The following NFYB variants were observed in gnomAD, a reference collection of about 807,000 sequenced individuals.
NFYB encodes the protein CAAT box DNA-binding protein subunit B.
Under a neutral mutation model 28.0 loss-of-function variants are expected in NFYB, and 13 were observed. The ratio of observed to expected loss-of-function variants is 0.46; its 90% CI spans 0.30 to 0.74. The LOEUF (loss-of-function observed/expected upper bound fraction) is 0.74, where lower values mean the gene tolerates loss of function less well. Ranked by LOEUF, NFYB falls within the 30% of genes least tolerant of loss-of-function variation. NFYB has a pLI of 0.07. For synonymous variants in NFYB, 74 were observed against 75.0 expected (o/e 0.99, Z 0.07); for missense variants, 142 against 247.6 (o/e 0.57, Z 2.86).
intron 2 of NFYB, among the ~76,000 whole-genome samples, chr12:104,130,287 G>A (rs1479562687): frequency 6.6e-6 from 1 of 152,146 alleles, no homozygotes; most frequent in East Asian, 1.9e-4. Context: ...CAAAATTTTA[G>A]TCCTTGTATA....
chr12:104,126,490 C>T lies in NFYB; in HGVS notation c.101-246G>A, dbSNP rs374976435. 6.6e-5 allele frequency among the ~76,000 whole-genome samples: 10 copies of T among 152,086 alleles called. No homozygotes were observed. The East Asian group carries it at 1.2e-3, about 18-fold the overall frequency. The stretch of plus-strand genomic sequence containing the variant: ...ATATACCTGCTAAAATCCTACTTGC[C>T]CATTCTCCAAAAATCTCAAATAACA... On this transcript the variant is annotated intron_variant, in intron 3 of 7. Coordinates refer to ENST00000240055, the MANE Select transcript of NFYB (RefSeq NM_006166.4).
chr12:104,123,985 TA>T lies in NFYB; in HGVS notation c.232-563del, dbSNP rs1363214254. 2.0e-5 allele frequency among the ~76,000 whole-genome samples: 3 copies of T among 152,180 alleles called. No individual in the cohort carries two copies. The East Asian group carries it at 5.8e-4, about 29-fold the overall frequency. Reference sequence around the variant, plus strand: ...CTCAAAAAAAAAATTAAAAAAATTTTAAAAAGATATAAAACAGCAATCACTG... The same window carrying T: ...CTCAAAAAAAAAATTAAAAAAATTTTAAAAGATATAAAACAGCAATCACTG... On this transcript the variant is annotated intron_variant, in intron 4 of 7. Coordinates refer to ENST00000240055, the MANE Select transcript of NFYB (RefSeq NM_006166.4).
At chr12:104,122,226 G>C (rs1488929913) in intron 5 of NFYB, among the ~76,000 whole-genome samples, 1 of 152,062 alleles carries the variant, frequency 6.6e-6, no homozygotes, top group Non-Finnish European at 1.5e-5. Context: ...GGAAACCAAG[G>C]CCTAAAGTAA....
chr12:104,126,185 C>T lies in NFYB; in HGVS notation c.160G>A (p.Glu54Lys), dbSNP rs1479744709. ...DTNGSKESFR[E>K]QDIYLPIANV... ...GCTATTGGAAGATATATATCTTGTT[C>T]TCTGAAACTTTCTTTTGAACCATTT... is the stretch of plus-strand genomic sequence containing the variant. The change falls in exon 4 of 8, where the codon GAA (glutamate) becomes AAA (lysine). Residue 54 changes from glutamate to lysine, a missense_variant. Glu to Lys is a moderately conservative substitution (Grantham distance 56). Transcript: ENST00000240055. The T allele has an allele frequency of 6.2e-7, 1 of 1,605,044 alleles. No homozygotes were observed. The highest frequency in any genetic ancestry group is 8.5e-7 in the Non-Finnish European group (1 of 1,176,250).
In NFYB at chr12:104,118,415, T is replaced by C. The variant is rs1417471922; in HGVS notation, c.*1322A>G. 1.3e-5 allele frequency: 2 copies of C among 152,772 alleles called. No individual in the cohort carries two copies. Among genetic ancestry groups the C allele is most frequent in the Middle Eastern group, 3.4e-3 (1 of 294 alleles). 9.5% of individuals were successfully genotyped at this position (152,772 alleles called of 1,614,324 possible). ...CTCCTTCTGGCAAAGTAAATGTTTC[T>C]GTTCAGCCTATATCTGGGAAATTGC... On this transcript the variant is annotated 3_prime_UTR_variant, in exon 8 of 8. Transcript: ENST00000240055.
chr12:104,128,608 T>A (rs890958620), intron 2 of NFYB, 91 bp from the exon 3 acceptor site: 2 of 742,146 alleles, frequency 2.7e-6, no homozygotes, highest in African/African-American at 3.5e-5. Context: ...GGATGATGCA[T>A]CAATTATACT....
Position 104,121,306 on chromosome 12 carries a change from T to C in NFYB, c.445A>G (p.Lys149Glu). 6.2e-7 allele frequency: 1 copy of C among 1,612,444 alleles called. No homozygotes were observed. The highest frequency in any genetic ancestry group is 8.5e-7 in the Non-Finnish European group (1 of 1,179,586). ...QKFREAMKGE[K>E]GIGGAVTATD... ...GCTGTGACTGCTCCACCAATTCCCT[T>C]TTCTCCTTTCATAGCCTGAGGAAGG... is the stretch of plus-strand genomic sequence containing the variant. The change falls in exon 6 of 8, where the codon AAG (lysine) becomes GAG (glutamate). Residue 149 changes from lysine (K) to glutamate (E), a missense_variant. Lys to Glu is a moderately conservative substitution (Grantham distance 56). Around this residue, in one of 2 missense-constraint regions of NFYB, gnomAD observed 88 missense variants for 189.5 expected, o/e 0.46. Transcript: ENST00000240055.
At chr12:104,125,487 C>CAA (rs759904666) in intron 4 of NFYB, 7 of 104,274 alleles carry the variant, frequency 6.7e-5, no homozygotes, top group Admixed American at 1.0e-4. Flanking sequence ...AACTCCGTCT[C>CAA]AAAAAAAAAA....
chr12:104,118,700 G>A lies in NFYB; in HGVS notation c.*1037C>T, dbSNP rs2030353851. ...CAGAGATGAAGACAGCATACTAGAA[G>A]TTGGCTTCTATTTCACACCGTTCAC... On this transcript the variant is annotated 3_prime_UTR_variant, in exon 8 of 8. Coordinates refer to ENST00000240055, the MANE Select transcript of NFYB (RefSeq NM_006166.4). 6.6e-6 allele frequency: 1 copy of A among 152,102 alleles called. No homozygotes were observed. The highest frequency in any genetic ancestry group is 1.5e-5 in the Non-Finnish European group (1 of 68,006). 9.4% of individuals were successfully genotyped at this position (152,102 alleles called of 1,614,324 possible). A position where few individuals can be genotyped will look rare whatever the true frequency, so the allele number is the denominator to read the frequency against.
At chr12:104,124,951 T>C (rs2030625284) in intron 4 of NFYB, among the ~76,000 whole-genome samples, 1 of 152,218 alleles carries the variant, frequency 6.6e-6, no homozygotes, top group South Asian at 2.1e-4. Flanking sequence ...CCATAAGTCT[T>C]TTTAAACTAT....
Position 104,118,189 on chromosome 12 carries a change from T to TA in NFYB, c.*1547dup, listed in dbSNP as rs1288568581. On this transcript the variant is annotated 3_prime_UTR_variant, in exon 8 of 8. Transcript: ENST00000240055. ...CCATTTTTATAAAAATATACATATT[T>TA]AGCAAAGTAAAAGGACAAATGATAT... The TA allele has an allele frequency of 1.3e-5, 2 of 152,240 alleles. No homozygotes were observed. Among genetic ancestry groups the TA allele is most frequent in the Admixed American group, 1.3e-4 (2 of 15,276 alleles). The allele number at this position is 152,240 out of a possible 1,614,324, so 9.4% of individuals were successfully genotyped here. A position where few individuals can be genotyped will look rare whatever the true frequency, so the allele number is the denominator to read the frequency against.
intron 1 of NFYB, among the ~76,000 whole-genome samples, chr12:104,136,797 T>C (rs2031118003): frequency 6.6e-6 from 1 of 152,236 alleles, no homozygotes; most frequent in Admixed American, 6.5e-5. Flanking sequence ...CAGGTTGATA[T>C]ATGTAAAAGC....
At chr12:104,131,539 C>T (rs1314225947) in intron 2 of NFYB, 2 of 344,712 alleles carry the variant, frequency 5.8e-6, no homozygotes, top group Non-Finnish European at 1.1e-5. Context: ...CTCTATGGCA[C>T]TTAGTACCTT....
At chr12:104,131,619 T>A in intron 2 of NFYB, 1 of 390,866 alleles carries the variant, frequency 2.6e-6, no homozygotes, top group Non-Finnish European at 5.1e-6. Context: ...ATAAGAATGA[T>A]GGAAAAAAAC....
chr12:104,130,476 A>G (rs2030882691), intron 2 of NFYB, among the ~76,000 whole-genome samples: 2 of 152,216 alleles, frequency 1.3e-5, no homozygotes, highest in Non-Finnish European at 2.9e-5. Flanking sequence ...GGTAGAAAAT[A>G]GAATTTACAG....
chr12:104,131,642 T>C, intron 2 of NFYB: 1 of 421,356 alleles, frequency 2.4e-6, no homozygotes. Flanking sequence ...GCTAGATGCA[T>C]CCCAAAGGTT....
rs2030330071 is a variant in NFYB, at chr12:104,118,123, G to A, written c.*1614C>T. On this transcript the variant is annotated 3_prime_UTR_variant, in exon 8 of 8. Coordinates refer to ENST00000240055, the MANE Select transcript of NFYB (RefSeq NM_006166.4). The stretch of plus-strand genomic sequence containing the variant: ...AAAGATGTTCCCAATATATTGTTAA[G>A]TGAAAAAAGCAGGTTACAAAATGGT... 6.6e-6 allele frequency: 1 copy of A among 152,108 alleles called. No homozygotes were observed. Among genetic ancestry groups the A allele is most frequent in the Non-Finnish European group, 1.5e-5 (1 of 68,026 alleles). 9.4% of individuals were successfully genotyped at this position (152,108 alleles called of 1,614,324 possible).
chr12:104,125,755 G>C (rs958246850), intron 4 of NFYB, among the ~76,000 whole-genome samples: 3 of 149,816 alleles, frequency 2.0e-5, no homozygotes, highest in African/African-American at 7.4e-5. Flanking sequence ...GGCTGAGGCA[G>C]GAGAATTGCT....
intron 6 of NFYB, 122 bp from the exon 7 acceptor site, chr12:104,120,601 G>A: frequency 1.6e-4 from 106 of 645,336 alleles, no homozygotes; most frequent in South Asian, 4.5e-4. Context: ...ATGTAGTCTT[G>A]GACAAAATAA....
Sources: gnomAD v4.1 joint callset for allele counts (sites outside exome capture counted in the v4.1 genomes callset) on GRCh38, gnomAD v4.1.1 for gene constraint, gnomAD v4.1.1 regional missense constraint, MANE v1.5 for transcripts, NCBI Gene and HGNC (gene_info 2026-07-23, HGNC 2026-07-21) for gene names.